The following BAZ2B variants were observed in gnomAD, a reference collection of about 807,000 sequenced individuals.
The protein encoded by BAZ2B is bromodomain adjacent to zinc finger domain 2B, also known as bromodomain adjacent to zinc finger domain protein 2B.
In BAZ2B, 91 loss-of-function variants were observed where a neutral mutation model predicts 246.0. The ratio of observed to expected loss-of-function variants is 0.37; its 90% CI spans 0.31 to 0.44. The LOEUF (loss-of-function observed/expected upper bound fraction) is 0.44. Ranked by LOEUF, BAZ2B falls within the 20% of genes least tolerant of loss-of-function variation. The probability of loss-of-function intolerance (pLI) is 1.00; values close to 1 mark genes in which losing one functional copy is unlikely to be tolerated. For synonymous variants in BAZ2B, 855 were observed against 860.0 expected (o/e 0.99, Z 0.10); for missense variants, 2,332 against 2,533.7 (o/e 0.92, Z 1.71).
intron 1 of BAZ2B, among the ~76,000 whole-genome samples, chr2:159,603,074 T>G (rs1399536308): frequency 6.6e-6 from 1 of 151,958 alleles, no homozygotes; most frequent in African/African-American, 2.4e-5. Context: ...CAGGCGGAGG[T>G]TGCAATGAGC....
At chr2:159,678,381 C>T in the BAZ2B span, among the ~76,000 whole-genome samples, 1 of 152,182 alleles carries the variant, frequency 6.6e-6, no homozygotes, top group Non-Finnish European at 1.5e-5. Flanking sequence ...ATACTAAATA[C>T]CAATCCCAAG....
rs532825985 is a variant in BAZ2B at position 159,431,179 on chromosome 2, G to A, written c.1901-23C>T. ...ATTCTGGGAAGTAAAAGAAGCATTTGTATATTATAACTAGATAATCACCAA... is the reference window on the plus strand; with the variant it reads ...ATTCTGGGAAGTAAAAGAAGCATTTATATATTATAACTAGATAATCACCAA... On this transcript the variant is annotated intron_variant, in intron 9 of 36. Transcript: ENST00000392783. The A allele has an allele frequency of 9.0e-5, 143 of 1,582,578 alleles. 1 individual carries two copies. In the South Asian group the frequency reaches 1.5e-3, roughly 17 times the overall value.
the BAZ2B span, among the ~76,000 whole-genome samples, chr2:159,699,017 T>C: frequency 6.6e-6 from 1 of 152,174 alleles, no homozygotes; most frequent in Non-Finnish European, 1.5e-5. Context: ...TTTCAACATT[T>C]ATTGAGTGCC....
At chr2:159,449,293 A>C (rs1247419655) in intron 4 of BAZ2B, among the ~76,000 whole-genome samples, 1 of 152,130 alleles carries the variant, frequency 6.6e-6, no homozygotes, top group Non-Finnish European at 1.5e-5. Flanking sequence ...AATCTTCTCC[A>C]ACTGGCTAGT....
intron 25 of BAZ2B, among the ~76,000 whole-genome samples, chr2:159,375,902 A>G (rs1016246467): frequency 6.6e-5 from 10 of 152,232 alleles, no homozygotes; most frequent in African/African-American, 2.4e-4. Flanking sequence ...GATTAGTTAT[A>G]CTATATACTT....
At chr2:159,607,389 A>T (rs1049273436) in intron 1 of BAZ2B, among the ~76,000 whole-genome samples, 1 of 152,202 alleles carries the variant, frequency 6.6e-6, no homozygotes, top group African/African-American at 2.4e-5. Flanking sequence ...GAAAAGAACC[A>T]AGGAAAAGGG....
the BAZ2B span, among the ~76,000 whole-genome samples, chr2:159,646,811 A>T: frequency 6.6e-6 from 1 of 152,090 alleles, no homozygotes; most frequent in African/African-American, 2.4e-5. Flanking sequence ...ACATAATTCA[A>T]ACAAGATTTT....
At chr2:159,496,831 A>C (rs2081223035) in intron 2 of BAZ2B, among the ~76,000 whole-genome samples, 1 of 151,478 alleles carries the variant, frequency 6.6e-6, no homozygotes, top group Non-Finnish European at 1.5e-5. Context: ...ACCATAGTTA[A>C]AGAAGAGAAT....
the BAZ2B span, among the ~76,000 whole-genome samples, chr2:159,642,238 CTTTTT>C: frequency 1.5e-5 from 2 of 131,722 alleles, no homozygotes; most frequent in African/African-American, 5.6e-5. Flanking sequence ...TTCTTTCTTT[CTTTTT>C]TTTTTTTTTT....
intron 34 of BAZ2B, among the ~76,000 whole-genome samples, chr2:159,330,546 T>A (rs1045529383): frequency 6.6e-6 from 1 of 151,900 alleles, no homozygotes; most frequent in African/African-American, 2.4e-5. Context: ...GCTGTGGAGG[T>A]GAAAATCTAT....
intron 14 of BAZ2B, among the ~76,000 whole-genome samples, chr2:159,410,061 C>T (rs912331945): frequency 5.9e-5 from 9 of 152,124 alleles, no homozygotes; most frequent in Non-Finnish European, 8.8e-5. Flanking sequence ...TAATTAGATA[C>T]GGCAAATATC....
chr2:159,326,706 C>T (rs1287582229), intron 34 of BAZ2B, among the ~76,000 whole-genome samples: 1 of 152,170 alleles, frequency 6.6e-6, no homozygotes, highest in African/African-American at 2.4e-5. Flanking sequence ...TTGCTAAAGT[C>T]ATTCTAGCTC....
chr2:159,584,659 A>C (rs1017151233), intron 1 of BAZ2B, among the ~76,000 whole-genome samples: 3 of 152,210 alleles, frequency 2.0e-5, no homozygotes, highest in Admixed American at 1.3e-4. Flanking sequence ...AGAAAAGAAG[A>C]GTCAAGAATG....
At chr2:159,629,819 A>G in the BAZ2B span, among the ~76,000 whole-genome samples, 1 of 152,214 alleles carries the variant, frequency 6.6e-6, no homozygotes, top group South Asian at 2.1e-4. Flanking sequence ...AACTTAAAGT[A>G]TAATAAAAAA....
At chr2:159,614,742 CTG>C (rs1302307171) in intron 1 of BAZ2B, among the ~76,000 whole-genome samples, 3 of 152,090 alleles carry the variant, frequency 2.0e-5, no homozygotes, top group Non-Finnish European at 4.4e-5. Flanking sequence ...ACTTCGTATA[CTG>C]ATTTTGAGAG....
chr2:159,433,082 A>G lies in BAZ2B; in HGVS notation c.1575T>C (p.Ala525=), dbSNP rs191895433. ...GTGAGGAAAAAGGGGTGCTACTTGC[A>G]GCAGCAATGTTTTCATTAATCTTGC... ...MQSKINENIA[A]ASSTPFSSPV... is the part of the protein sequence containing the mutation. Residue 525 remains alanine, a synonymous_variant, in exon 9 of 37, where the codon GCT becomes GCC. Coordinates refer to ENST00000392783, the MANE Select transcript of BAZ2B (RefSeq NM_013450.4). 9.7e-5 allele frequency: 157 copies of G among 1,614,196 alleles called. No homozygotes were observed. The African/African-American group carries it at 1.9e-3, about 20-fold the overall frequency.
rs375763059 is a variant in BAZ2B at position 159,320,294 on chromosome 2, T to G, written c.6478A>C (p.Lys2160Gln). The G allele has an allele frequency of 7.0e-6, 11 of 1,563,756 alleles. No individual in the cohort carries two copies. The highest frequency in any genetic ancestry group is 7.7e-6 in the Non-Finnish European group (9 of 1,167,070). The change falls in exon 37 of 37, where the codon AAG (lysine) becomes CAG (glutamine). Residue 2160 changes from lysine to glutamine, a missense_variant. This residue lies in a region of BAZ2B where 210 missense variants were observed against 232.5 expected (regional missense o/e 0.90). Transcript: ENST00000392783. ...GHNMRKYFEK[K>Q]WTDTFKVS Reference sequence around the variant, plus strand: ...CTCACTTTGAAAGTATCTGTCCACTTTTTTTCAAAATACTTCCTCATATTG... The same window carrying G: ...CTCACTTTGAAAGTATCTGTCCACTGTTTTTCAAAATACTTCCTCATATTG...
At chr2:159,563,140 T>C (rs1482302001) in intron 1 of BAZ2B, among the ~76,000 whole-genome samples, 1 of 152,200 alleles carries the variant, frequency 6.6e-6, no homozygotes, top group African/African-American at 2.4e-5. Context: ...AAATTTGTAT[T>C]TTACTGTTTT....
chr2:159,613,569 C>G (rs1482216239), intron 1 of BAZ2B, among the ~76,000 whole-genome samples: 1 of 151,844 alleles, frequency 6.6e-6, no homozygotes, highest in Non-Finnish European at 1.5e-5. Flanking sequence ...CTGAACCATA[C>G]GAGTGTCTTA....
Sources: allele counts gnomAD v4.1 joint callset (sites outside exome capture counted in the v4.1 genomes callset), GRCh38; gene constraint gnomAD v4.1.1; regional missense constraint gnomAD v4.1.1; transcripts MANE v1.5; gene names NCBI Gene and HGNC (gene_info 2026-07-23, HGNC 2026-07-21).